The following GABPB1 variants were observed in gnomAD, a reference collection of about 807,000 sequenced individuals.
GABPB1 encodes the protein GA binding protein transcription factor subunit beta 1, also known as GA-binding protein subunit beta-1.
Under a neutral mutation model 45.9 loss-of-function variants are expected in GABPB1, and 15 were observed. That is an observed-to-expected ratio of 0.33 (90% CI 0.22 to 0.50). The LOEUF (loss-of-function observed/expected upper bound fraction) is 0.50. Among genes scored for constraint, GABPB1 ranks in the 20% least tolerant of loss-of-function variants. The probability of loss-of-function intolerance (pLI) is 0.98; values close to 1 mark genes in which losing one functional copy is unlikely to be tolerated. For synonymous variants in GABPB1, 143 were observed against 154.4 expected (o/e 0.93, Z 0.55); for missense variants, 252 against 457.5 (o/e 0.55, Z 4.10).
intron 6 of GABPB1, among the ~76,000 whole-genome samples, chr15:50,297,945 A>G (rs1014807710): frequency 2.0e-5 from 3 of 152,244 alleles, no homozygotes; most frequent in African/African-American, 7.2e-5. Flanking sequence ...ATTCTCTCAG[A>G]CTAGACCAAA....
chr15:50,299,541 A>G (rs141505989), intron 6 of GABPB1, among the ~76,000 whole-genome samples: 3,056 of 152,234 alleles, frequency 0.02, 104 homozygotes, highest in African/African-American at 0.07. Context: ...CTGGGATTAC[A>G]GGCATGGGCC....
chr15:50,349,569 A>G (rs1383954999), intron 1 of GABPB1: 3 of 152,216 alleles, frequency 2.0e-5, no homozygotes, highest in Admixed American at 6.5e-5. Context: ...AATATTACAC[A>G]TAAGAGTAAC....
intron 1 of GABPB1, among the ~76,000 whole-genome samples, chr15:50,320,881 T>C (rs59847008): frequency 0.076 from 11,634 of 152,168 alleles, 1,340 homozygotes; most frequent in African/African-American, 0.25. Flanking sequence ...AAGAAATGCA[T>C]GCCTTCTTTA....
chr15:50,292,385 C>T (rs994629201), intron 6 of GABPB1, among the ~76,000 whole-genome samples: 4 of 150,134 alleles, frequency 2.7e-5, no homozygotes, highest in Non-Finnish European at 5.9e-5. Flanking sequence ...AAGCAAGGAT[C>T]GGTAGTGGGT....
At chr15:50,294,551 T>G (rs1470345975) in intron 6 of GABPB1, among the ~76,000 whole-genome samples, 1 of 152,012 alleles carries the variant, frequency 6.6e-6, no homozygotes, top group Non-Finnish European at 1.5e-5. Context: ...GGAAACTATA[T>G]TCATTGAAGA....
chr15:50,336,636 T>A (rs1347191084), intron 1 of GABPB1, among the ~76,000 whole-genome samples: 1 of 151,300 alleles, frequency 6.6e-6, no homozygotes, highest in Non-Finnish European at 1.5e-5. Context: ...TGAGCCATGT[T>A]CATGCCACTG....
At chr15:50,282,395 T>A (rs1440383742) in intron 8 of GABPB1, 3 of 408,404 alleles carry the variant, frequency 7.3e-6, no homozygotes, top group South Asian at 1.7e-5. Context: ...ACCCTCTCTA[T>A]GAAAATAAAA....
intron 1 of GABPB1, among the ~76,000 whole-genome samples, chr15:50,340,367 A>C (rs2048305493): frequency 6.6e-6 from 1 of 152,120 alleles, no homozygotes; most frequent in Non-Finnish European, 1.5e-5. Context: ...TTCCTTTTTC[A>C]ATAGGCAATA....
At chr15:50,318,570 G>T (rs1595794873) in intron 1 of GABPB1, among the ~76,000 whole-genome samples, 1 of 152,050 alleles carries the variant, frequency 6.6e-6, no homozygotes, top group South Asian at 2.1e-4. Context: ...AGGAAATAAA[G>T]ATCCAACATA....
intron 8 of GABPB1, chr15:50,282,395 T>C: frequency 4.9e-6 from 2 of 408,404 alleles, no homozygotes; most frequent in African/African-American, 2.2e-5. Context: ...ACCCTCTCTA[T>C]GAAAATAAAA....
At position 50,312,895 on chromosome 15, in the gene GABPB1, A is replaced by C. The variant is rs148600667; in HGVS notation, c.1-3097T>G. On this transcript the variant is annotated intron_variant, in intron 1 of 8. Coordinates refer to ENST00000380877, the MANE Select transcript of GABPB1 (RefSeq NM_016654.5). Reference sequence around the variant, plus strand: ...TTTATTGATTTGTAAGCGTTCTGACATATGTTCTGGATATGAGTCCTTTGT... The same window carrying C: ...TTTATTGATTTGTAAGCGTTCTGACCTATGTTCTGGATATGAGTCCTTTGT... 4.6e-3 allele frequency among the ~76,000 whole-genome samples: 701 copies of C among 152,214 alleles called. 8 individuals carry two copies. Among genetic ancestry groups the C allele is most frequent in the Non-Finnish European group, 7.7e-3 (523 of 67,998 alleles).
chr15:50,297,112 T>C (rs2046544606), intron 6 of GABPB1, among the ~76,000 whole-genome samples: 1 of 151,720 alleles, frequency 6.6e-6, no homozygotes. Context: ...AGTTTCACCA[T>C]GTTGGCCAGG....
At chr15:50,299,683 G>A (rs888630453) in intron 6 of GABPB1, among the ~76,000 whole-genome samples, 1 of 152,180 alleles carries the variant, frequency 6.6e-6, no homozygotes, top group African/African-American at 2.4e-5. Flanking sequence ...ACAGGAGCAA[G>A]CCACCGCACC....
At chr15:50,328,751 C>T (rs916267313) in intron 1 of GABPB1, among the ~76,000 whole-genome samples, 7 of 152,196 alleles carry the variant, frequency 4.6e-5, no homozygotes, top group African/African-American at 1.7e-4. Context: ...TTTTAGCACC[C>T]ATTAATGATC....
intron 1 of GABPB1, among the ~76,000 whole-genome samples, chr15:50,337,129 A>ATATATAT (rs1173961008): frequency 0.023 from 243 of 10,426 alleles, 10 homozygotes; most frequent in South Asian, 0.032. Context: ...ATATATATAT[A>ATATATAT]ATATGAAGAG....
At chr15:50,330,359 C>T (rs1356802300) in intron 1 of GABPB1, among the ~76,000 whole-genome samples, 2 of 152,040 alleles carry the variant, frequency 1.3e-5, no homozygotes, top group Non-Finnish European at 2.9e-5. Flanking sequence ...TGTGAAAATA[C>T]CATTGTATAC....
At chr15:50,329,182 A>G (rs552150019) in intron 1 of GABPB1, among the ~76,000 whole-genome samples, 1 of 152,280 alleles carries the variant, frequency 6.6e-6, no homozygotes, top group East Asian at 1.9e-4. Context: ...TTCAAGTACA[A>G]GTATTTAAAG....
At chr15:50,305,210 C>T (rs1217905232) in intron 2 of GABPB1, among the ~76,000 whole-genome samples, 2 of 152,060 alleles carry the variant, frequency 1.3e-5, no homozygotes, top group Non-Finnish European at 2.9e-5. Context: ...GAAATTTACA[C>T]ATATAAACAG....
chr15:50,331,295 C>T (rs577109554), intron 1 of GABPB1, among the ~76,000 whole-genome samples: 1 of 152,260 alleles, frequency 6.6e-6, no homozygotes, highest in South Asian at 2.1e-4. Flanking sequence ...TTTAAAAAGC[C>T]GAGAGTGTGT....
Sources: gnomAD v4.1 joint callset for allele counts (sites outside exome capture counted in the v4.1 genomes callset) on GRCh38, gnomAD v4.1.1 for gene constraint, MANE v1.5 for transcripts, NCBI Gene and HGNC (gene_info 2026-07-23, HGNC 2026-07-21) for gene names.